CATSPERT: variants seen among roughly 807,000 people sequenced by gnomAD.
CATSPERT encodes cation channel sperm-associated targeting subunit tau.
chr2:201,541,361 A>G, the CATSPERT span, among the ~76,000 whole-genome samples: 2 of 151,840 alleles, frequency 1.3e-5, no homozygotes, highest in Middle Eastern at 3.4e-3. Flanking sequence ...ATCCTTCATG[A>G]AAGGAAGAGC....
chr2:201,491,561 C>A, the CATSPERT span: 6 of 1,536,746 alleles, frequency 3.9e-6, no homozygotes, highest in South Asian at 2.4e-5. Flanking sequence ...CAATACTGGT[C>A]TTCTAATTTT....
the CATSPERT span, among the ~76,000 whole-genome samples, chr2:201,546,289 G>GT: frequency 6.6e-6 from 1 of 152,114 alleles, no homozygotes; most frequent in Non-Finnish European, 1.5e-5. Context: ...CATAGTCAAT[G>GT]TTTTATCCAT....
chr2:201,494,845 TC>T, the CATSPERT span: 1 of 1,330,972 alleles, frequency 7.5e-7, no homozygotes. Context: ...CCTTGAGCAA[TC>T]TGTCAATGTA....
At chr2:201,520,775 G>A in the CATSPERT span, among the ~76,000 whole-genome samples, 186 of 152,056 alleles carry the variant, frequency 1.2e-3, no homozygotes, top group African/African-American at 4.3e-3. Flanking sequence ...TGTAATCCAA[G>A]CTACTAGGGA....
chr2:201,595,435 G>A, the CATSPERT span, among the ~76,000 whole-genome samples: 11 of 152,018 alleles, frequency 7.2e-5, 1 homozygote, highest in Admixed American at 2.0e-4. Context: ...TGATCCGCCC[G>A]CCTCGGCCTC....
the CATSPERT span, among the ~76,000 whole-genome samples, chr2:201,498,042 A>AG: frequency 1.1e-4 from 17 of 152,180 alleles, no homozygotes; most frequent in African/African-American, 4.1e-4. Flanking sequence ...ATGTAAAATC[A>AG]GGGGGGTCTG....
chr2:201,573,820 C>T, the CATSPERT span, among the ~76,000 whole-genome samples: 6 of 152,200 alleles, frequency 3.9e-5, 1 homozygote, highest in South Asian at 1.2e-3. Flanking sequence ...CCATGCCTGG[C>T]TAATTTTTGT....
At chr2:201,608,441 C>T in the CATSPERT span, among the ~76,000 whole-genome samples, 1 of 151,990 alleles carries the variant, frequency 6.6e-6, no homozygotes, top group Non-Finnish European at 1.5e-5. Flanking sequence ...GGGCATGTGA[C>T]CCTCGAGGAA....
the CATSPERT span, among the ~76,000 whole-genome samples, chr2:201,518,625 T>C: frequency 2.6e-3 from 392 of 152,250 alleles, 2 homozygotes; most frequent in African/African-American, 8.6e-3. Context: ...CAAGACAGAG[T>C]ACCAAGAGTC....
At chr2:201,506,742 A>G in the CATSPERT span, among the ~76,000 whole-genome samples, 2 of 152,054 alleles carry the variant, frequency 1.3e-5, no homozygotes, top group Non-Finnish European at 2.9e-5. Flanking sequence ...TTTAGTAGAG[A>G]TGTGGTTTCA....
chr2:201,590,229 TG>T, the CATSPERT span, among the ~76,000 whole-genome samples: 1 of 151,626 alleles, frequency 6.6e-6, no homozygotes, highest in Non-Finnish European at 1.5e-5. Context: ...AGTGAGAATA[TG>T]TGGCGTTTGG....
At chr2:201,591,561 T>C in the CATSPERT span, among the ~76,000 whole-genome samples, 1 of 151,990 alleles carries the variant, frequency 6.6e-6, no homozygotes, top group South Asian at 2.1e-4. Context: ...ATTGAATCTG[T>C]AAATTACCTT....
the CATSPERT span, among the ~76,000 whole-genome samples, chr2:201,546,250 A>T: frequency 6.6e-6 from 1 of 152,202 alleles, no homozygotes; most frequent in South Asian, 2.1e-4. Context: ...AAATATCAAT[A>T]TGTTATAACT....
the CATSPERT span, among the ~76,000 whole-genome samples, chr2:201,574,680 AT>A: frequency 2.6e-5 from 4 of 152,114 alleles, no homozygotes; most frequent in Non-Finnish European, 4.4e-5. Flanking sequence ...TAAAATTTTG[AT>A]TTAGACAAGT....
At chr2:201,492,565 T>TG in the CATSPERT span, 1 of 1,534,382 alleles carries the variant, frequency 6.5e-7, no homozygotes, top group Non-Finnish European at 8.7e-7. Flanking sequence ...TATGTTTGGG[T>TG]ATATAGTCTC....
At chr2:201,495,941 G>T in the CATSPERT span, 1 of 1,597,136 alleles carries the variant, frequency 6.3e-7, no homozygotes, top group South Asian at 1.1e-5. Context: ...GAAAGATGGT[G>T]AATTATATTC....
the CATSPERT span, chr2:201,545,499 A>G: frequency 8.0e-7 from 1 of 1,251,378 alleles, no homozygotes; most frequent in South Asian, 1.4e-5. Context: ...AATCACTTTG[A>G]TTTCAATTAT....
At chr2:201,526,374 C>T in the CATSPERT span, among the ~76,000 whole-genome samples, 9 of 152,048 alleles carry the variant, frequency 5.9e-5, no homozygotes, top group East Asian at 1.5e-3. Flanking sequence ...AAAAATTAGG[C>T]GGGTGTGGTG....
At chr2:201,528,141 A>G in the CATSPERT span, among the ~76,000 whole-genome samples, 2 of 152,130 alleles carry the variant, frequency 1.3e-5, no homozygotes, top group Non-Finnish European at 2.9e-5. Context: ...ATACACCACC[A>G]ATAAACGTAT....
Sources: allele counts gnomAD v4.1 joint callset (sites outside exome capture counted in the v4.1 genomes callset), GRCh38; gene constraint gnomAD v4.1.1; transcripts MANE v1.5; gene names NCBI Gene and HGNC (gene_info 2026-07-23, HGNC 2026-07-21).